Variants in ITGB5 observed in about 807,000 individuals in gnomAD.
The protein encoded by ITGB5 is integrin beta-5.
Under a neutral mutation model 84.8 loss-of-function variants are expected in ITGB5, and 38 were observed. The ratio of observed to expected loss-of-function variants is 0.45; its 90% CI spans 0.35 to 0.59. The LOEUF (loss-of-function observed/expected upper bound fraction) is 0.59. ITGB5 is among the 20% of genes least tolerant of loss of function. ITGB5 has a pLI of 0.01. For missense variants in ITGB5, 905 were observed against 1,034.5 expected, an observed-to-expected ratio of 0.87 and a Z score of 1.72; for synonymous variants, 393 against 414.4, an observed-to-expected ratio of 0.95 and a Z score of 0.63.
chr3:124,807,673 C>T (rs2064427483), intron 9 of ITGB5, among the ~76,000 whole-genome samples: 1 of 151,496 alleles, frequency 6.6e-6, no homozygotes, highest in Admixed American at 6.6e-5. Flanking sequence ...TGGCTGGGCA[C>T]GGTGGCTCAT....
chr3:124,868,911 G>A (rs1407446508), intron 2 of ITGB5, among the ~76,000 whole-genome samples: 3 of 152,156 alleles, frequency 2.0e-5, no homozygotes, highest in African/African-American at 4.8e-5. Flanking sequence ...CAAGAGCACC[G>A]TGCAGGGAGT....
At chr3:124,879,754 T>C (rs973165169) in intron 1 of ITGB5, among the ~76,000 whole-genome samples, 4 of 152,212 alleles carry the variant, frequency 2.6e-5, no homozygotes, top group African/African-American at 9.6e-5. Flanking sequence ...GCAAGATACA[T>C]ACTGTGTTTT....
intron 10 of ITGB5, among the ~76,000 whole-genome samples, chr3:124,794,310 G>C (rs765906843): frequency 6.6e-6 from 1 of 152,276 alleles, no homozygotes; most frequent in East Asian, 1.9e-4. Flanking sequence ...CATTTAACTG[G>C]AATCAGTGTA....
intron 9 of ITGB5, among the ~76,000 whole-genome samples, chr3:124,799,275 C>T (rs553126869): frequency 2.6e-5 from 4 of 152,284 alleles, no homozygotes; most frequent in African/African-American, 9.6e-5. Context: ...ATAGGATGGG[C>T]GTAGTGGCTC....
intron 10 of ITGB5, among the ~76,000 whole-genome samples, chr3:124,788,915 A>G (rs2064118772): frequency 6.6e-6 from 1 of 152,182 alleles, no homozygotes; most frequent in Non-Finnish European, 1.5e-5. Flanking sequence ...TTCATTCAAA[A>G]GGTACTTTTA....
chr3:124,882,283 T>C (rs983421548), intron 1 of ITGB5, among the ~76,000 whole-genome samples: 1 of 152,222 alleles, frequency 6.6e-6, no homozygotes, highest in African/African-American at 2.4e-5. Context: ...GTGAAGAAGA[T>C]ATGTAGTTAC....
rs531954888 is a variant in ITGB5, at chr3:124,802,109, C to T, written c.1264-5292G>A. ...TGCCACACCTGGCTTTCCCACAGCA[C>T]TCATCACCCTCTACGGGGCTGACTC... On this transcript the variant is annotated intron_variant, in intron 9 of 14. Coordinates refer to ENST00000296181, the MANE Select transcript of ITGB5 (RefSeq NM_002213.5). Among the ~76,000 whole-genome samples, 10 of 152,356 alleles carry T rather than the reference C, an allele frequency of 6.6e-5. No homozygotes were observed. The South Asian group carries it at 1.9e-3, about 28-fold the overall frequency.
In ITGB5 at chr3:124,784,692, G is replaced by A. The variant is rs1031162070; in HGVS notation, c.1694-10780C>T. Among the ~76,000 whole-genome samples, 10 of 152,206 alleles carry A rather than the reference G, an allele frequency of 6.6e-5. 1 individual carries two copies. The highest frequency in any genetic ancestry group is 1.3e-4 in the Admixed American group (2 of 15,280). ...CTAGGACCCTGAGAATGCTGATTCAGAAAGAAAAACAGAAGGCTGTAGCCA... is the reference window on the plus strand; with the variant it reads ...CTAGGACCCTGAGAATGCTGATTCAAAAAGAAAAACAGAAGGCTGTAGCCA... On this transcript the variant is annotated intron_variant, in intron 10 of 14. Transcript: ENST00000296181.
intron 1 of ITGB5, among the ~76,000 whole-genome samples, chr3:124,899,436 CCAAGATTCCTCCCAT>C (rs1935176343): frequency 6.6e-6 from 1 of 152,108 alleles, no homozygotes; most frequent in Non-Finnish European, 1.5e-5. Flanking sequence ...AAAGAAGCCT[CCAAGATTCCTCCCAT>C]CACTGCATAA....
At chr3:124,859,212 A>G in intron 3 of ITGB5, 30 bp downstream of exon 3, 1 of 1,603,214 alleles carries the variant, frequency 6.2e-7, no homozygotes, top group Non-Finnish European at 8.5e-7. Flanking sequence ...CTGATCCCAG[A>G]GCATCCAGCC....
chr3:124,767,793 T>G (rs1337009121), intron 12 of ITGB5, among the ~76,000 whole-genome samples: 1 of 152,194 alleles, frequency 6.6e-6, no homozygotes, highest in Non-Finnish European at 1.5e-5. Context: ...AAGAAGGAGC[T>G]GGGCATGGTG....
Position 124,883,298 on chromosome 3 carries a change from C to T in ITGB5, c.70+3633G>A, listed in dbSNP as rs77418204. ...AAACTACTTAGATATTTTAATTCCC[C>T]GTTGCCTCAGTAGCTAAATAAGCAT... On this transcript the variant is annotated intron_variant, in intron 1 of 14. Transcript: ENST00000296181. Among the ~76,000 whole-genome samples the T allele has an allele frequency of 2.0e-5, 3 of 152,288 alleles. No homozygotes were observed. In the East Asian group the frequency reaches 5.8e-4, roughly 29 times the overall value.
At chr3:124,773,613 G>T in intron 11 of ITGB5, 77 bp downstream of exon 11, 1 of 1,387,364 alleles carries the variant, frequency 7.2e-7, no homozygotes, top group Non-Finnish European at 1.0e-6. Context: ...AGGCTAGCCG[G>T]CCCTGAGGGC....
chr3:124,895,233 T>A (rs538626007), intron 1 of ITGB5, among the ~76,000 whole-genome samples: 2 of 152,156 alleles, frequency 1.3e-5, no homozygotes, highest in South Asian at 4.1e-4. Context: ...TTCTTGGAAT[T>A]CCTTTTCTTT....
At chr3:124,859,145 G>A in intron 3 of ITGB5, 97 bp downstream of exon 3, 1 of 1,193,740 alleles carries the variant, frequency 8.4e-7, no homozygotes. Context: ...TCTGATCTCA[G>A]CCTGGCCTGA....
At chr3:124,838,685 T>C (rs1261722584) in intron 5 of ITGB5, among the ~76,000 whole-genome samples, 3 of 152,070 alleles carry the variant, frequency 2.0e-5, no homozygotes, top group Non-Finnish European at 2.9e-5. Flanking sequence ...CACTGAAAGC[T>C]CCGCCTCCGG....
intron 1 of ITGB5, among the ~76,000 whole-genome samples, chr3:124,880,753 C>A (rs1280623692): frequency 6.6e-6 from 1 of 151,900 alleles, no homozygotes; most frequent in African/African-American, 2.4e-5. Context: ...CATCGTGAAA[C>A]CCTATCTTTA....
intron 1 of ITGB5, among the ~76,000 whole-genome samples, chr3:124,880,585 A>G (rs2107649305): frequency 6.6e-6 from 1 of 152,284 alleles, no homozygotes. Flanking sequence ...ATGCACTCCA[A>G]CTTGGGTGAC....
rs60485388 is a variant in ITGB5, at chr3:124,858,554, A to G, written c.361+688T>C. Among the ~76,000 whole-genome samples, 1,583 of 152,330 alleles carry G rather than the reference A, an allele frequency of 0.01. 123 individuals are homozygous for G. The East Asian group carries it at 0.21, about 20-fold the overall frequency. On this transcript the variant is annotated intron_variant, in intron 3 of 14. Transcript: ENST00000296181. ...ACACCCATACAATGAAATATTACTCAGCCAAAAAAGGAATGAAGTGCTGAC... is the reference window on the plus strand; with the variant it reads ...ACACCCATACAATGAAATATTACTCGGCCAAAAAAGGAATGAAGTGCTGAC...
Sources: gnomAD v4.1 joint callset for allele counts (sites outside exome capture counted in the v4.1 genomes callset) on GRCh38, gnomAD v4.1.1 for gene constraint, MANE v1.5 for transcripts, NCBI Gene and HGNC (gene_info 2026-07-23, HGNC 2026-07-21) for gene names.